The following SLC24A4 variants were observed in gnomAD, a reference collection of about 807,000 sequenced individuals.
SLC24A4 encodes the protein solute carrier family 24 member 4.
In SLC24A4, 53 loss-of-function variants were observed where a neutral mutation model predicts 79.0. The observed-to-expected ratio is 0.67, with a 90% confidence interval of 0.54 to 0.84. SLC24A4 has a LOEUF of 0.84. SLC24A4 is among the 40% of genes least tolerant of loss of function. The pLI is 0.00. For synonymous variants in SLC24A4, 323 were observed against 323.8 expected, an observed-to-expected ratio of 1.00 and a Z score of 0.03; for missense variants, 731 against 822.0, an observed-to-expected ratio of 0.89 and a Z score of 1.35.
intron 3 of SLC24A4, among the ~76,000 whole-genome samples, chr14:92,436,399 C>T (rs529056844): frequency 1.3e-5 from 2 of 152,216 alleles, no homozygotes; most frequent in Non-Finnish European, 2.9e-5. Flanking sequence ...GACTATTTGG[C>T]CAGCAAAGCC....
In SLC24A4 at chr14:92,403,414, T is replaced by A. The variant is rs1471579521; in HGVS notation, c.242-30498T>A. ...CGAGGTCAGAAGATTGAGACCATCC[T>A]GGCTAACATGGTGAAACCCCGTCTC... On this transcript the variant is annotated intron_variant, in intron 2 of 16. Transcript: ENST00000532405. Among the ~76,000 whole-genome samples the A allele has an allele frequency of 9.2e-5, 14 of 151,634 alleles. No homozygotes were observed. The East Asian group carries it at 1.2e-3, about 13-fold the overall frequency.
chr14:92,415,328 G>A (rs1317513623), intron 2 of SLC24A4, among the ~76,000 whole-genome samples: 1 of 152,260 alleles, frequency 6.6e-6, no homozygotes, highest in Non-Finnish European at 1.5e-5. Context: ...AGCGTGGGAA[G>A]TTTGACCTCT....
At chr14:92,377,035 A>T (rs994518036) in intron 2 of SLC24A4, among the ~76,000 whole-genome samples, 5 of 152,162 alleles carry the variant, frequency 3.3e-5, no homozygotes, top group Admixed American at 1.3e-4. Context: ...TGCCGGTACC[A>T]TATGCATCTC....
chr14:92,350,838 C>A (rs1420402024), intron 2 of SLC24A4, among the ~76,000 whole-genome samples: 3 of 152,080 alleles, frequency 2.0e-5, no homozygotes, highest in African/African-American at 7.2e-5. Context: ...AATCCTAAGC[C>A]CCTATTTGAT....
intron 12 of SLC24A4, chr14:92,462,299 C>A (rs1485193849): frequency 6.6e-6 from 1 of 152,240 alleles, no homozygotes; most frequent in Non-Finnish European, 1.5e-5. Flanking sequence ...GTGTGTTTCA[C>A]AAAAGTCCAG....
At position 92,442,176 on chromosome 14, in the gene SLC24A4, A is replaced by G. The variant is rs1276447452; in HGVS notation, c.478+3A>G. ...AGAGCTGTTTGCGTCTGTTATTGGT[A>G]AGAAATCCCCTCCAGCCTGAGACAC... is the stretch of plus-strand genomic sequence containing the variant. On this transcript the variant is annotated splice_donor_region_variant and intron_variant, in intron 5 of 16. Transcript: ENST00000532405. 10 of 1,612,622 alleles carry G rather than the reference A, an allele frequency of 6.2e-6. No individual in the cohort carries two copies. The East Asian group carries it at 1.6e-4, about 25-fold the overall frequency.
At position 92,447,330 on chromosome 14, in the gene SLC24A4, G is replaced by A. The variant is rs200447137; in HGVS notation, c.684-41G>A. The A allele has an allele frequency of 5.7e-5, 91 of 1,602,040 alleles. No individual in the cohort carries two copies. The East Asian group carries it at 1.4e-3, about 24-fold the overall frequency. On this transcript the variant is annotated intron_variant, in intron 8 of 16. Coordinates refer to ENST00000532405, the MANE Select transcript of SLC24A4 (RefSeq NM_153646.4). ...CTCATTCCCAGCCTTCACCTGCCCC[G>A]GGCCCCGAGCTCTAACCGCAATCTC... is the stretch of plus-strand genomic sequence containing the variant.
rs1297076086 is a variant in SLC24A4, at chr14:92,490,985, G to A, written c.1538-680G>A. On this transcript the variant is annotated intron_variant, in intron 14 of 16. Transcript: ENST00000532405. The surrounding 1 kb of genome is among the most constrained non-coding windows in gnomAD (Gnocchi z 4.3). ...TGTCCAGTTTTCTCCTTTTTATAAG[G>A]ATTCTTGTGTCCTGAAAGAACCTCC... 6.6e-6 allele frequency among the ~76,000 whole-genome samples: 1 copy of A among 152,130 alleles called. No homozygotes were observed. Among genetic ancestry groups the A allele is most frequent in the Non-Finnish European group, 1.5e-5 (1 of 68,024 alleles).
chr14:92,405,999 G>A (rs1045182916), intron 2 of SLC24A4, among the ~76,000 whole-genome samples: 2 of 152,166 alleles, frequency 1.3e-5, no homozygotes, highest in African/African-American at 4.8e-5. Flanking sequence ...CTGCCTATGA[G>A]CCTGTAAAAT....
At chr14:92,399,041 C>A (rs1889941402) in intron 2 of SLC24A4, among the ~76,000 whole-genome samples, 1 of 152,148 alleles carries the variant, frequency 6.6e-6, no homozygotes, top group Non-Finnish European at 1.5e-5. Flanking sequence ...ACAGCTTAAT[C>A]CTATTAAGTC....
chr14:92,447,223 C>G, intron 8 of SLC24A4, 148 bp from the exon 9 acceptor site: 1 of 658,980 alleles, frequency 1.5e-6, no homozygotes, highest in Non-Finnish European at 2.7e-6. Flanking sequence ...GCTGGGGGAT[C>G]TCTCTCACAT....
chr14:92,444,200 A>G (rs948484806), intron 7 of SLC24A4, among the ~76,000 whole-genome samples: 2 of 152,182 alleles, frequency 1.3e-5, no homozygotes, highest in Non-Finnish European at 2.9e-5. Context: ...AAAGGTCAAC[A>G]TATGCCCTAA....
At chr14:92,376,778 A>C (rs1888529018) in intron 2 of SLC24A4, among the ~76,000 whole-genome samples, 1 of 152,190 alleles carries the variant, frequency 6.6e-6, no homozygotes, top group Non-Finnish European at 1.5e-5. Flanking sequence ...CAGTCACCTC[A>C]CTGAGAACAA....
chr14:92,454,096 G>C, intron 11 of SLC24A4, 27 bp downstream of exon 11: 2 of 1,606,034 alleles, frequency 1.2e-6, no homozygotes, highest in Non-Finnish European at 1.7e-6. Flanking sequence ...GACCATAAAA[G>C]TGAGCAGCCT....
intron 2 of SLC24A4, among the ~76,000 whole-genome samples, chr14:92,391,544 G>A (rs1267433042): frequency 6.6e-6 from 1 of 152,208 alleles, no homozygotes; most frequent in Non-Finnish European, 1.5e-5. Context: ...CTACAGGGTA[G>A]GTGCAGTTGA....
At chr14:92,468,886 ATGTATCTGTGTGTG>A (rs1894267435) in intron 12 of SLC24A4, among the ~76,000 whole-genome samples, 1 of 130,416 alleles carries the variant, frequency 7.7e-6, no homozygotes, top group East Asian at 2.3e-4. Flanking sequence ...TTTGCAAATC[ATGTATCTGTGTGTG>A]TGTGTGTGTG....
At chr14:92,347,319 AC>A (rs1200730687) in intron 2 of SLC24A4, among the ~76,000 whole-genome samples, 1 of 152,182 alleles carries the variant, frequency 6.6e-6, no homozygotes, top group Non-Finnish European at 1.5e-5. Context: ...GCATTAGGAG[AC>A]TGGTGTGTCC....
At chr14:92,454,809 AGAAAAG>A (rs1303424296) in intron 11 of SLC24A4, among the ~76,000 whole-genome samples, 5 of 152,342 alleles carry the variant, frequency 3.3e-5, no homozygotes, top group Admixed American at 2.0e-4. Flanking sequence ...AAGTATATTA[AGAAAAG>A]GAAACACCTT....
At chr14:92,369,836 A>G (rs1034531941) in intron 2 of SLC24A4, among the ~76,000 whole-genome samples, 8 of 152,202 alleles carry the variant, frequency 5.3e-5, no homozygotes, top group African/African-American at 1.9e-4. Flanking sequence ...ATATCTCCAC[A>G]CATTGTCAAA....
Sources: allele counts gnomAD v4.1 joint callset (sites outside exome capture counted in the v4.1 genomes callset), GRCh38; gene constraint gnomAD v4.1.1; non-coding constraint Gnocchi (gnomAD v3.1); transcripts MANE v1.5; gene names NCBI Gene and HGNC (gene_info 2026-07-23, HGNC 2026-07-21).